UVRAG: variants seen among roughly 807,000 people sequenced by gnomAD.
UVRAG encodes UV radiation resistance-associated gene protein.
Under a neutral mutation model 78.0 loss-of-function variants are expected in UVRAG, and 19 were observed. The observed-to-expected ratio is 0.24, with a 90% CI of 0.17 to 0.36. The LOEUF is 0.36. UVRAG is among the 10% of genes least tolerant of loss of function. The probability of loss-of-function intolerance (pLI) is 1.00; values close to 1 mark genes in which losing one functional copy is unlikely to be tolerated. For synonymous variants in UVRAG, 323 were observed against 324.6 expected (o/e 1.00, Z 0.05); for missense variants, 740 against 853.8 (o/e 0.87, Z 1.66).
At chr11:75,844,697 A>C (rs1352707928) in intron 1 of UVRAG, among the ~76,000 whole-genome samples, 2 of 150,686 alleles carry the variant, frequency 1.3e-5, no homozygotes. Flanking sequence ...TTTTGAGACA[A>C]GGCCTCACTG....
intron 14 of UVRAG, chr11:76,137,764 C>T (rs1160170720): frequency 5.5e-5 from 17 of 309,368 alleles, no homozygotes; most frequent in South Asian, 3.3e-4. Flanking sequence ...AAACATTAGC[C>T]GGGCATCGTG....
At chr11:76,072,094 C>T (rs551847489) in intron 13 of UVRAG, among the ~76,000 whole-genome samples, 8 of 152,088 alleles carry the variant, frequency 5.3e-5, no homozygotes, top group Admixed American at 2.0e-4. Flanking sequence ...GGAGAGAACG[C>T]AGAGCTGAAA....
intron 13 of UVRAG, among the ~76,000 whole-genome samples, chr11:76,112,492 T>C (rs1952093984): frequency 6.6e-6 from 1 of 151,378 alleles, no homozygotes; most frequent in Non-Finnish European, 1.5e-5. Flanking sequence ...GAAGACAATC[T>C]AGGAAATAAC....
At chr11:75,870,886 T>TG (rs1052091397) in intron 3 of UVRAG, among the ~76,000 whole-genome samples, 1 of 152,166 alleles carries the variant, frequency 6.6e-6, no homozygotes, top group Middle Eastern at 3.2e-3. Flanking sequence ...TTTTTTTTTT[T>TG]GATACGGAGT....
At chr11:75,823,511 T>G (rs546477942) in intron 1 of UVRAG, among the ~76,000 whole-genome samples, 2 of 152,344 alleles carry the variant, frequency 1.3e-5, no homozygotes, top group East Asian at 3.9e-4. Context: ...TTAATTTTAA[T>G]TTTTGTAGAG....
At chr11:75,962,985 T>C (rs1948937130) in intron 7 of UVRAG, among the ~76,000 whole-genome samples, 1 of 152,206 alleles carries the variant, frequency 6.6e-6, no homozygotes, top group Admixed American at 6.5e-5. Flanking sequence ...TGTGTTTTTA[T>C]GCTGCCTAGT....
intron 14 of UVRAG, among the ~76,000 whole-genome samples, chr11:76,118,507 T>TGG (rs1250470449): frequency 7.9e-5 from 12 of 152,208 alleles, no homozygotes. Flanking sequence ...TATTGTAGAT[T>TGG]GGGGTAGATA....
At chr11:76,106,330 C>T (rs1951968957) in intron 13 of UVRAG, among the ~76,000 whole-genome samples, 1 of 151,970 alleles carries the variant, frequency 6.6e-6, no homozygotes, top group African/African-American at 2.4e-5. Context: ...TTCTTTGCAC[C>T]AAGATTGCAT....
At chr11:75,876,528 T>A (rs1190252545) in intron 3 of UVRAG, among the ~76,000 whole-genome samples, 1 of 152,210 alleles carries the variant, frequency 6.6e-6, no homozygotes, top group African/African-American at 2.4e-5. Context: ...CTGGAGGTCA[T>A]TTAAGAGTGG....
chr11:75,963,820 T>A (rs1218676826), intron 7 of UVRAG, among the ~76,000 whole-genome samples: 1 of 152,204 alleles, frequency 6.6e-6, no homozygotes, highest in African/African-American at 2.4e-5. Context: ...ACTTATGTTT[T>A]ATAAGTTTTT....
intron 5 of UVRAG, among the ~76,000 whole-genome samples, chr11:75,905,885 CT>C (rs879808805): frequency 1.4e-3 from 208 of 145,682 alleles, no homozygotes; most frequent in Middle Eastern, 3.5e-3. Flanking sequence ...AACTGCTAAA[CT>C]TTTTTTTTTT....
At chr11:75,982,714 T>C (rs939089094) in intron 7 of UVRAG, among the ~76,000 whole-genome samples, 1 of 152,240 alleles carries the variant, frequency 6.6e-6, no homozygotes, top group Non-Finnish European at 1.5e-5. Flanking sequence ...TTTGTTTCTA[T>C]GGATTTGCCT....
At chr11:76,027,422 T>A (rs1450187895) in intron 12 of UVRAG, among the ~76,000 whole-genome samples, 3 of 152,134 alleles carry the variant, frequency 2.0e-5, no homozygotes. Flanking sequence ...CTAAAAGGTA[T>A]GGTGCAAAAT....
At chr11:76,096,839 G>A (rs368616027) in intron 13 of UVRAG, among the ~76,000 whole-genome samples, 3 of 152,152 alleles carry the variant, frequency 2.0e-5, no homozygotes, top group Admixed American at 2.0e-4. Flanking sequence ...TGGAAGTCCT[G>A]TTGAATGCAG....
intron 5 of UVRAG, among the ~76,000 whole-genome samples, chr11:75,896,248 A>T (rs1196347379): frequency 6.6e-6 from 1 of 152,086 alleles, no homozygotes; most frequent in South Asian, 2.1e-4. Context: ...AGATTTCTAC[A>T]GGGGTTTTCT....
chr11:75,820,457 C>T (rs1011806485), intron 1 of UVRAG, among the ~76,000 whole-genome samples: 5 of 151,180 alleles, frequency 3.3e-5, no homozygotes, highest in African/African-American at 4.9e-5. Flanking sequence ...CAGGTTCAAG[C>T]GATTCTCCTG....
intron 6 of UVRAG, among the ~76,000 whole-genome samples, chr11:75,935,394 G>T (rs1565387403): frequency 6.6e-6 from 1 of 152,188 alleles, no homozygotes; most frequent in South Asian, 2.1e-4. Context: ...ATTAGCTATT[G>T]TGTGAATTAT....
At chr11:75,842,442 C>CTTTTTT in intron 1 of UVRAG, among the ~76,000 whole-genome samples, 1 of 134,234 alleles carries the variant, frequency 7.4e-6, no homozygotes, top group Non-Finnish European at 1.6e-5. Context: ...CCTTTTCTTT[C>CTTTTTT]TTTTTTTTTT....
chr11:76,073,733 A>T (rs1013070128), intron 13 of UVRAG, among the ~76,000 whole-genome samples: 7 of 152,332 alleles, frequency 4.6e-5, no homozygotes, highest in Admixed American at 2.6e-4. Context: ...AACTTTATTG[A>T]TAGGGTTTCA....
Sources: gnomAD v4.1 joint callset for allele counts (sites outside exome capture counted in the v4.1 genomes callset) on GRCh38, gnomAD v4.1.1 for gene constraint, MANE v1.5 for transcripts, NCBI Gene and HGNC (gene_info 2026-07-23, HGNC 2026-07-21) for gene names.